The following RNF216 variants were observed in gnomAD, a reference collection of about 807,000 sequenced individuals.
The protein encoded by RNF216 is ring finger protein 216.
A neutral mutation model predicts 110.8 loss-of-function variants in RNF216; 72 were observed. The observed-to-expected ratio is 0.65, with a 90% CI of 0.54 to 0.79. The LOEUF (loss-of-function observed/expected upper bound fraction) is 0.79. Ranked by LOEUF, RNF216 falls within the 30% of genes least tolerant of loss-of-function variation. RNF216 has a pLI of 0.00. For synonymous variants in RNF216, 495 were observed against 407.5 expected (o/e 1.21, Z -2.59); for missense variants, 1,342 against 1,141.2 (o/e 1.18, Z -2.54).
intron 13 of RNF216, among the ~76,000 whole-genome samples, chr7:5,657,212 C>T (rs913930770): frequency 2.6e-4 from 39 of 152,254 alleles, no homozygotes; most frequent in Non-Finnish European, 4.6e-4. Context: ...CAGGGCATTA[C>T]GCTGTTGCCA....
chr7:5,664,328 G>A (rs1789365493), intron 13 of RNF216, among the ~76,000 whole-genome samples: 1 of 152,154 alleles, frequency 6.6e-6, no homozygotes, highest in Admixed American at 6.5e-5. Context: ...CCTTAAGGAT[G>A]AGTTACTGTC....
At chr7:5,737,258 C>T (rs1212595550) in intron 5 of RNF216, among the ~76,000 whole-genome samples, 1 of 152,120 alleles carries the variant, frequency 6.6e-6, no homozygotes, top group South Asian at 2.1e-4. Flanking sequence ...GTGCTGTGTC[C>T]ACTCAGGGTT....
chr7:5,746,727 T>A (rs1795049178), intron 3 of RNF216, among the ~76,000 whole-genome samples: 1 of 152,188 alleles, frequency 6.6e-6, no homozygotes, highest in Admixed American at 6.5e-5. Context: ...TCTTGCCTTT[T>A]CATGTATAAA....
intron 15 of RNF216, among the ~76,000 whole-genome samples, chr7:5,628,255 C>T (rs1249509394): frequency 6.6e-6 from 1 of 152,086 alleles, no homozygotes; most frequent in African/African-American, 2.4e-5. Flanking sequence ...GGGAGTCACG[C>T]CCTTAGGAGT....
At position 5,741,040 on chromosome 7, in the gene RNF216, T is replaced by G. The variant is rs1297314701; in HGVS notation, c.977A>C (p.Glu326Ala). 14 of 1,614,050 alleles carry G rather than the reference T, an allele frequency of 8.7e-6. No homozygotes were observed. The highest frequency in any genetic ancestry group is 1.2e-5 in the Non-Finnish European group (14 of 1,179,990). ...PMQESQEPNL[E>A]NIWGQEAAEV... ...TGCAGCTTCTTGCCCCCAAATGTTT[T>G]CCAAATTGGGCTCTTGAGATTCTTG... is the stretch of plus-strand genomic sequence containing the variant. The change falls in exon 4 of 17, where the codon GAA (glutamate) becomes GCA (alanine). Residue 326 changes from glutamate to alanine, a missense_variant. Glu to Ala is a moderately radical substitution (Grantham distance 107). Coordinates refer to ENST00000389902, the MANE Select transcript of RNF216 (RefSeq NM_207111.4).
At chr7:5,701,325 T>C (rs141568436) in intron 13 of RNF216, among the ~76,000 whole-genome samples, 3,025 of 152,268 alleles carry the variant, frequency 0.02, 46 homozygotes, top group Non-Finnish European at 0.032. Flanking sequence ...TGTTCCCTGA[T>C]GGGATTTTCC....
In RNF216 at chr7:5,738,328, C is replaced by T. The variant is rs147151897; in HGVS notation, c.1121+948G>A. 7.2e-3 allele frequency among the ~76,000 whole-genome samples: 1,092 copies of T among 152,168 alleles called. 11 individuals are homozygous for T. The highest frequency in any genetic ancestry group is 0.014 in the Middle Eastern group (4 of 294). On this transcript the variant is annotated intron_variant, in intron 5 of 16. Coordinates refer to ENST00000389902, the MANE Select transcript of RNF216 (RefSeq NM_207111.4). ...GCAGCCTTGAATTCCTGGACTCAGG[C>T]AATCCTCTTGCCTCAGCCTCCCAAA... is the stretch of plus-strand genomic sequence containing the variant.
chr7:5,750,978 C>T (rs188953589), intron 3 of RNF216, among the ~76,000 whole-genome samples: 4 of 152,324 alleles, frequency 2.6e-5, no homozygotes, highest in East Asian at 1.9e-4. Context: ...GAGCAGACTA[C>T]TTGGTTAAAA....
chr7:5,654,541 G>A (rs1263021892), intron 13 of RNF216, among the ~76,000 whole-genome samples: 1 of 151,856 alleles, frequency 6.6e-6, no homozygotes, highest in Non-Finnish European at 1.5e-5. Flanking sequence ...ACAAAAATTA[G>A]TTGGGCGTGG....
At chr7:5,682,412 CTTT>C (rs775691792) in intron 13 of RNF216, among the ~76,000 whole-genome samples, 5 of 140,574 alleles carry the variant, frequency 3.6e-5, no homozygotes, top group Non-Finnish European at 1.6e-5. Flanking sequence ...CATTTTTTTT[CTTT>C]TTTTTTTTTT....
chr7:5,630,719 C>G (rs1787017389), intron 15 of RNF216, among the ~76,000 whole-genome samples: 1 of 152,154 alleles, frequency 6.6e-6, no homozygotes, highest in African/African-American at 2.4e-5. Context: ...GCGCCAAGCA[C>G]AGTGACAACA....
chr7:5,747,760 A>AGGG (rs1562457409), intron 3 of RNF216, among the ~76,000 whole-genome samples: 14 of 140,970 alleles, frequency 9.9e-5, no homozygotes, highest in Middle Eastern at 3.5e-3. Context: ...AAAAAAAAAA[A>AGGG]AAAAAAAAAA....
At chr7:5,750,462 G>A (rs1440059710) in intron 3 of RNF216, among the ~76,000 whole-genome samples, 1 of 152,212 alleles carries the variant, frequency 6.6e-6, no homozygotes, top group Non-Finnish European at 1.5e-5. Context: ...GTGACTTAGA[G>A]AGGAAAATTA....
chr7:5,772,149 T>C (rs1796532752), intron 1 of RNF216, among the ~76,000 whole-genome samples: 1 of 151,176 alleles, frequency 6.6e-6, no homozygotes, highest in Non-Finnish European at 1.5e-5. Context: ...AGGAGAATCG[T>C]TTGAACCCGG....
chr7:5,773,689 TC>T (rs756021727), intron 1 of RNF216, among the ~76,000 whole-genome samples: 101 of 152,286 alleles, frequency 6.6e-4, no homozygotes, highest in Non-Finnish European at 1.3e-3. Flanking sequence ...TGCCTCAGCC[TC>T]CCTGAGTAGC....
chr7:5,622,775 A>G lies in RNF216; in HGVS notation c.*85T>C. 2 of 1,356,052 alleles carry G rather than the reference A, an allele frequency of 1.5e-6. No homozygotes were observed. Among genetic ancestry groups the G allele is most frequent in the Non-Finnish European group, 2.0e-6 (2 of 986,242 alleles). 84.0% of individuals were successfully genotyped at this position (1,356,052 alleles called of 1,614,324 possible). On this transcript the variant is annotated 3_prime_UTR_variant, in exon 17 of 17. Coordinates refer to ENST00000389902, the MANE Select transcript of RNF216 (RefSeq NM_207111.4). ...TCAAGCTGACTTAGGATGCAATGGT[A>G]CAGACACCAGCCTTGGGGGAGGGTT...
At chr7:5,694,282 T>C (rs1278809430) in intron 13 of RNF216, among the ~76,000 whole-genome samples, 1 of 152,246 alleles carries the variant, frequency 6.6e-6, no homozygotes, top group Non-Finnish European at 1.5e-5. Flanking sequence ...AGGTATGCAG[T>C]ACTTGAATCA....
chr7:5,734,075 A>C (rs1245227445), intron 5 of RNF216, among the ~76,000 whole-genome samples: 3 of 152,236 alleles, frequency 2.0e-5, no homozygotes, highest in African/African-American at 7.2e-5. Context: ...AAAATCTCCA[A>C]CAAACAATTC....
intron 15 of RNF216, among the ~76,000 whole-genome samples, chr7:5,629,640 A>G (rs1325373950): frequency 6.6e-6 from 1 of 152,120 alleles, no homozygotes; most frequent in Non-Finnish European, 1.5e-5. Context: ...AGGCCTGGCC[A>G]ATATGGTGAA....
Sources: allele counts gnomAD v4.1 joint callset (sites outside exome capture counted in the v4.1 genomes callset), GRCh38; gene constraint gnomAD v4.1.1; transcripts MANE v1.5; gene names NCBI Gene and HGNC (gene_info 2026-07-23, HGNC 2026-07-21).